The following STK3 variants were observed in gnomAD, a reference collection of about 807,000 sequenced individuals.
The protein encoded by STK3 is serine/threonine kinase 3, also known as serine/threonine-protein kinase 3.
A neutral mutation model predicts 58.0 loss-of-function variants in STK3; 41 were observed. The ratio of observed to expected loss-of-function variants is 0.71; its 90% CI spans 0.55 to 0.92. The LOEUF is 0.92. Ranked by LOEUF, STK3 falls within the 40% of genes least tolerant of loss-of-function variation. The pLI is 0.00. For missense variants in STK3, 479 were observed against 602.7 expected (o/e 0.79, Z 2.15); for synonymous variants, 170 against 191.0 (o/e 0.89, Z 0.91).
Position 98,526,741 on chromosome 8 carries a change from C to T in STK3, c.1317+1G>A, listed in dbSNP as rs1236112598. On this transcript the variant is annotated splice_donor_variant, in intron 10 of 10. Transcript: ENST00000419617. LOFTEE classifies it high-confidence loss of function. The stretch of plus-strand genomic sequence containing the variant: ...AAATTGAAGAATTAAAATGTACTTA[C>T]AAAGTCAAAGTCTCCATCTTGAGGA... 6.5e-7 allele frequency: 1 copy of T among 1,543,434 alleles called. No homozygotes were observed. The highest frequency in any genetic ancestry group is 1.4e-5 in the African/African-American group (1 of 72,332).
chr8:98,680,193 C>A (rs181800867), intron 6 of STK3, among the ~76,000 whole-genome samples: 69 of 152,162 alleles, frequency 4.5e-4, no homozygotes, highest in African/African-American at 1.6e-3. Context: ...AAACATCAAT[C>A]AATGCTGTGC....
At chr8:98,912,094 T>A (rs974064435) in intron 1 of STK3, among the ~76,000 whole-genome samples, 4 of 152,164 alleles carry the variant, frequency 2.6e-5, no homozygotes, top group Non-Finnish European at 4.4e-5. Context: ...GAACTTTATC[T>A]TGGGCCGGGC....
chr8:98,844,469 G>A (rs900119891), intron 3 of STK3, among the ~76,000 whole-genome samples: 1 of 137,650 alleles, frequency 7.3e-6, no homozygotes, highest in Non-Finnish European at 1.6e-5. Context: ...GTGTGTGTGT[G>A]TTTTTGTTTT....
At chr8:98,787,596 C>T (rs996484142) in intron 1 of STK3, among the ~76,000 whole-genome samples, 27 of 152,086 alleles carry the variant, frequency 1.8e-4, no homozygotes, top group Non-Finnish European at 3.5e-4. Context: ...CTGGGGAATT[C>T]ATCACAAAAA....
intron 1 of STK3, among the ~76,000 whole-genome samples, chr8:98,888,028 A>G (rs531892634): frequency 6.6e-6 from 1 of 152,228 alleles, no homozygotes; most frequent in Non-Finnish European, 1.5e-5. Flanking sequence ...TAAAGTCTGA[A>G]CTATTGGGGG....
At chr8:98,722,066 T>C (rs1228162165) in intron 4 of STK3, among the ~76,000 whole-genome samples, 1 of 151,994 alleles carries the variant, frequency 6.6e-6, no homozygotes, top group East Asian at 1.9e-4. Flanking sequence ...TAGGAACAGA[T>C]AGAGGAAGTG....
intron 3 of STK3, among the ~76,000 whole-genome samples, chr8:98,870,213 G>A (rs1166868315): frequency 6.6e-6 from 1 of 152,108 alleles, no homozygotes; most frequent in Non-Finnish European, 1.5e-5. Flanking sequence ...CATGGTGTAT[G>A]TGCCACATTT....
chr8:98,661,295 A>G (rs1295662648), intron 6 of STK3, among the ~76,000 whole-genome samples: 1 of 152,116 alleles, frequency 6.6e-6, no homozygotes, highest in Non-Finnish European at 1.5e-5. Context: ...TAGATGAACT[A>G]TCCCTCACAT....
chr8:98,355,088 T>C, the STK3 span, among the ~76,000 whole-genome samples: 1 of 152,162 alleles, frequency 6.6e-6, no homozygotes, highest in African/African-American at 2.4e-5. Flanking sequence ...GCCAAGAGTG[T>C]CAGTATTTCA....
At chr8:98,720,352 T>C (rs1279835111) in intron 4 of STK3, among the ~76,000 whole-genome samples, 1 of 152,192 alleles carries the variant, frequency 6.6e-6, no homozygotes, top group Non-Finnish European at 1.5e-5. Context: ...CCGAATGTCA[T>C]ACAACTACTA....
chr8:98,516,484 T>C (rs960630864), intron 10 of STK3, among the ~76,000 whole-genome samples: 28 of 152,052 alleles, frequency 1.8e-4, no homozygotes, highest in Non-Finnish European at 3.1e-4. Context: ...TACCTCTAAT[T>C]TTATAATAAA....
chr8:98,427,163 C>G (rs1306699315), intron 3 of STK3: 1 of 150,348 alleles, frequency 6.7e-6, no homozygotes, highest in Non-Finnish European at 1.5e-5. Context: ...GCGTACCCGG[C>G]CCGAGACGGG....
the STK3 span, among the ~76,000 whole-genome samples, chr8:98,355,657 C>A: frequency 1.6e-4 from 25 of 152,312 alleles, 1 homozygote; most frequent in South Asian, 4.4e-3. Flanking sequence ...GTCCCCATAG[C>A]TATACTCCCA....
chr8:98,589,975 C>A (rs905202875), intron 7 of STK3, among the ~76,000 whole-genome samples: 2 of 152,144 alleles, frequency 1.3e-5, no homozygotes, highest in Non-Finnish European at 2.9e-5. Context: ...GGTGCACGCA[C>A]CCACTGACCT....
At position 98,939,489 on chromosome 8, in the gene STK3, G is replaced by A. The variant is rs1587876441; in HGVS notation, c.-79+2889C>T. Among the ~76,000 whole-genome samples, 3 of 152,304 alleles carry A rather than the reference G, an allele frequency of 2.0e-5. 1 individual carries two copies. The highest frequency in any genetic ancestry group is 4.1e-4 in the South Asian group (2 of 4,826). On this transcript the variant is annotated intron_variant, in intron 1 of 1. Coordinates refer to the STK3 transcript ENST00000519420. ...GAACCGCTGCTCTAGAGGGTAACTC[G>A]GACCTATCCCAGCGTCCCAGGGAAA...
intron 6 of STK3, among the ~76,000 whole-genome samples, chr8:98,661,980 G>C (rs1393071545): frequency 3.3e-5 from 5 of 152,030 alleles, no homozygotes; most frequent in African/African-American, 1.2e-4. Context: ...ACACCTGCTT[G>C]CTATGTATTT....
chr8:98,911,899 C>T (rs1839151899), intron 1 of STK3, among the ~76,000 whole-genome samples: 1 of 152,096 alleles, frequency 6.6e-6, no homozygotes, highest in Non-Finnish European at 1.5e-5. Flanking sequence ...GTAGTGCTTT[C>T]CACCCTTGAA....
At chr8:98,643,825 A>G (rs1006837510) in intron 6 of STK3, among the ~76,000 whole-genome samples, 1 of 152,204 alleles carries the variant, frequency 6.6e-6, no homozygotes. Flanking sequence ...CCTGGGCAAC[A>G]TACTGAGACT....
At position 98,783,892 on chromosome 8, in the gene STK3, T is replaced by C. The variant is rs149458137; in HGVS notation, c.27-9073A>G. 6.8e-3 allele frequency among the ~76,000 whole-genome samples: 1,028 copies of C among 152,198 alleles called. 8 individuals are homozygous for C. Among genetic ancestry groups the C allele is most frequent in the African/African-American group, 0.023 (964 of 41,534 alleles). ...TTTAATTCACAAAGGAAAACAGGAATCCACTGGAATCGTGACAGACACCTC... is the reference window on the plus strand; with the variant it reads ...TTTAATTCACAAAGGAAAACAGGAACCCACTGGAATCGTGACAGACACCTC... On this transcript the variant is annotated intron_variant, in intron 1 of 10. Transcript: ENST00000419617.
Sources: gnomAD v4.1 joint callset for allele counts (sites outside exome capture counted in the v4.1 genomes callset) on GRCh38, gnomAD v4.1.1 for gene constraint, MANE v1.5 for transcripts, NCBI Gene and HGNC (gene_info 2026-07-23, HGNC 2026-07-21) for gene names.